The following IDH3B variants were observed in gnomAD, a reference collection of about 807,000 sequenced individuals.
IDH3B encodes isocitrate dehydrogenase (NAD(+)) 3 non-catalytic subunit beta.
IDH3B carries 40 observed loss-of-function variants against 47.5 expected under a neutral mutation model. The observed-to-expected ratio is 0.84, with a 90% confidence interval of 0.65 to 1.10. The LOEUF is 1.10. Among genes scored for constraint, IDH3B ranks in the 50% least tolerant of loss-of-function variants. The probability of loss-of-function intolerance (pLI) is 0.00; values close to 1 mark genes in which losing one functional copy is unlikely to be tolerated. For synonymous variants in IDH3B, 185 were observed against 191.0 expected (o/e 0.97, Z 0.26); for missense variants, 450 against 505.2 (o/e 0.89, Z 1.05).
rs2086931374 is a variant in IDH3B, at chr20:2,660,765, G to A, written c.463C>T (p.His155Tyr). ...VKSLPGYMTR[H>Y]NNLDLVIIRE... ...ATGATCACCAGGTCTAGATTGTTGT[G>A]CCGAGTCATATACCCAGGAAGTGAC... The change falls in exon 6 of 12, where the codon CAC (histidine) becomes TAC (tyrosine). Residue 155 changes from histidine (H) to tyrosine (Y), a missense_variant. Physicochemically the swap from His to Tyr is moderately conservative, Grantham distance 83. Transcript: ENST00000380843. This position sits in a 1 kb window ranked among gnomAD's most constrained non-coding sequence, Gnocchi z 5.6. 6.2e-7 allele frequency: 1 copy of A among 1,614,124 alleles called. No individual in the cohort carries two copies. The highest frequency in any genetic ancestry group is 8.5e-7 in the Non-Finnish European group (1 of 1,180,026).
chr20:2,662,617 G>C (rs565876258), intron 4 of IDH3B, among the ~76,000 whole-genome samples: 3 of 152,110 alleles, frequency 2.0e-5, no homozygotes, highest in Non-Finnish European at 4.4e-5. Flanking sequence ...TCAAGAGTTC[G>C]AGACCAGCCT....
intron 1 of IDH3B, 51 bp from the exon 2 acceptor site, chr20:2,664,056 C>G: frequency 6.2e-7 from 1 of 1,611,208 alleles, no homozygotes. Context: ...ACATCCAGAC[C>G]CCGAACACTA....
At chr20:2,659,360 G>A in intron 11 of IDH3B, 165 bp downstream of exon 11, 2 of 1,575,922 alleles carry the variant, frequency 1.3e-6, no homozygotes, top group Non-Finnish European at 1.7e-6. Context: ...AGAGAAGGGA[G>A]ATGAAGAACA....
In IDH3B at chr20:2,660,979, C is replaced by A. The variant is rs754403242; in HGVS notation, c.338-10G>T. The A allele has an allele frequency of 4.2e-5, 68 of 1,613,852 alleles. No individual in the cohort carries two copies. The highest frequency in any genetic ancestry group is 5.6e-5 in the Non-Finnish European group (66 of 1,179,888). On this transcript the variant is annotated splice_polypyrimidine_tract_variant and intron_variant, in intron 4 of 11. Coordinates refer to ENST00000380843, the MANE Select transcript of IDH3B (RefSeq NM_006899.5). The surrounding 1 kb of genome is among the most constrained non-coding windows in gnomAD (Gnocchi z 5.6). ...GGGGTATGAATCTTTCCTGTGAAAACAAAGTGGGAAAAGGAGTGTCAGCCA... is the reference window on the plus strand; with the variant it reads ...GGGGTATGAATCTTTCCTGTGAAAAAAAAGTGGGAAAAGGAGTGTCAGCCA...
chr20:2,658,429 GTATGGACAGGGCC>G lies in IDH3B; in HGVS notation c.*309_*321del, dbSNP rs2086860617. ...GTTCTTTATTGAACACCTTACATGG[GTATGGACAGGGCC>G]TATGGGTGGGGCAAGGCAGCAATGA... On this transcript the variant is annotated 3_prime_UTR_variant, in exon 12 of 12. Coordinates refer to ENST00000380843, the MANE Select transcript of IDH3B (RefSeq NM_006899.5). 4 of 1,613,978 alleles carry G rather than the reference GTATGGACAGGGCC, an allele frequency of 2.5e-6. No individual in the cohort carries two copies. The highest frequency in any genetic ancestry group is 1.7e-5 in the Admixed American group (1 of 60,002).
At position 2,663,716 on chromosome 20, in the gene IDH3B, G is replaced by C. The variant is rs767152068; in HGVS notation, c.160C>G (p.Leu54Val). ...TCAGGCCCCACACCGTCTCCCGGAA[G>C]CATGGTCACGGGAAAGGAGCCCTCC... The part of the protein sequence containing the change: ...RVEGSFPVTM[L>V]PGDGVGPELM... Residue 54 changes from leucine (L) to valine (V), a missense_variant, in exon 3 of 12, where the codon CTT becomes GTT. By Grantham distance (32) the Leu-to-Val change is conservative (BLOSUM62 1). Transcript: ENST00000380843. 1 of 1,614,194 alleles carries C rather than the reference G, an allele frequency of 6.2e-7. No homozygotes were observed. Among genetic ancestry groups the C allele is most frequent in the Admixed American group, 1.7e-5 (1 of 60,020 alleles).
At position 2,663,982 on chromosome 20, in the gene IDH3B, AG is replaced by A. The variant is rs747812567; in HGVS notation, c.59del (p.Pro20LeufsTer7). ...LTRALVSAGN[P>X]GAWRGLSTSA... ...AGGTACTCAGACCTCTCCATGCCCC[AG>A]GGTTCCCGGCGGAGACCAGCGCCTG... is the stretch of plus-strand genomic sequence containing the variant. On this transcript the variant is annotated frameshift_variant, in exon 2 of 12. Coordinates refer to ENST00000380843, the MANE Select transcript of IDH3B (RefSeq NM_006899.5). LOFTEE classifies it high-confidence loss of function. The A allele has an allele frequency of 4.3e-6, 7 of 1,614,174 alleles. No homozygotes were observed. Among genetic ancestry groups the A allele is most frequent in the Non-Finnish European group, 5.9e-6 (7 of 1,180,030 alleles).
rs757925546 is a variant in IDH3B, at chr20:2,663,530, G to C, written c.253C>G (p.Leu85Val). ...AVPVEFQEHHLSEVQNMASEE... is the reference protein window; with the variant it reads ...AVPVEFQEHHVSEVQNMASEE... ...GATGCCATATTCTGCACCTCACTCAGGTGGTGCTCCTGGAACTCCACTGGG... is the reference window on the plus strand; with the variant it reads ...GATGCCATATTCTGCACCTCACTCACGTGGTGCTCCTGGAACTCCACTGGG... Residue 85 changes from leucine to valine, a missense_variant, in exon 4 of 12, where the codon CTG becomes GTG. Physicochemically the swap from Leu to Val is conservative, Grantham distance 32. Coordinates refer to ENST00000380843, the MANE Select transcript of IDH3B (RefSeq NM_006899.5). 1.2e-6 allele frequency: 2 copies of C among 1,614,090 alleles called. No homozygotes were observed. The highest frequency in any genetic ancestry group is 2.2e-5 in the South Asian group (2 of 91,084).
At position 2,659,565 on chromosome 20, in the gene IDH3B, A is replaced by G; in HGVS notation, c.1031T>C (p.Met344Thr). The G allele has an allele frequency of 6.2e-7, 1 of 1,614,236 alleles. No individual in the cohort carries two copies. The highest frequency in any genetic ancestry group is 8.5e-7 in the Non-Finnish European group (1 of 1,180,034). ...CACCTTCTTCACCGCATCTGCGATC[A>G]TGCTGGAGTGATACTCAAGACTGTG... ...RHLNLEYHSS[M>T]IADAVKKVIK... The change falls in exon 11 of 12, where the codon ATG (methionine) becomes ACG (threonine). Residue 344 changes from methionine to threonine, a missense_variant. By Grantham distance (81) the Met-to-Thr change is moderately conservative. Coordinates refer to ENST00000380843, the MANE Select transcript of IDH3B (RefSeq NM_006899.5).
At position 2,663,928 on chromosome 20, in the gene IDH3B, G is replaced by A. The variant is rs2086998105; in HGVS notation, c.114C>T (p.Ser38=). The A allele has an allele frequency of 6.2e-7, 1 of 1,613,842 alleles. No homozygotes were observed. Residue 38 remains serine, a synonymous_variant, in exon 2 of 12, where the codon AGC becomes AGT. Coordinates refer to ENST00000380843, the MANE Select transcript of IDH3B (RefSeq NM_006899.5). ...CCCCAGCCAGATTCGTGCATACCTG[G>A]CTCCGCGATGCAGCGTGCGCCGCGG... ...TSAAAHAASR[S]QAEDVRVEGS...
At chr20:2,662,557 G>A (rs1053295401) in intron 4 of IDH3B, among the ~76,000 whole-genome samples, 4 of 152,106 alleles carry the variant, frequency 2.6e-5, no homozygotes, top group South Asian at 2.1e-4. Context: ...GGTGGCTCAC[G>A]CCTATAATCG....
intron 9 of IDH3B, 24 bp from the exon 10 acceptor site, chr20:2,659,817 A>C: frequency 6.3e-7 from 1 of 1,576,122 alleles, no homozygotes; most frequent in Non-Finnish European, 8.7e-7. Flanking sequence ...GGCAGGCTAG[A>C]CACTGGGAGG....
In IDH3B at chr20:2,660,909, CT is replaced by C. The variant is rs1379724904; in HGVS notation, c.397del (p.Arg133GlyfsTer10). ...CATTCACCCCACCCAGACCACCTAC[CT>C]CAGCCGCATATCATAGGAGGCTAGC... ...GELASYDMRL[R>X]RKLDLFANVV... On this transcript the variant is annotated frameshift_variant and splice_region_variant, in exon 5 of 12. Transcript: ENST00000380843. LOFTEE classifies it high-confidence loss of function. This position sits in a 1 kb window ranked among gnomAD's most constrained non-coding sequence, Gnocchi z 5.6. The C allele has an allele frequency of 6.2e-7, 1 of 1,614,082 alleles. No individual in the cohort carries two copies. The highest frequency in any genetic ancestry group is 2.2e-5 in the East Asian group (1 of 44,898).
rs1399128062 is a variant in IDH3B at position 2,658,786 on chromosome 20, A to G, written c.1123T>C (p.Ser375Pro). Reference sequence around the variant, plus strand: ...TTAGTCTGCAGGTGACCGATGACAGACTTGATGAAGTCGGTTGTGGTGCTG... The same window carrying G: ...TTAGTCTGCAGGTGACCGATGACAGGCTTGATGAAGTCGGTTGTGGTGCTG... ...GYSTTTDFIK[S>P]VIGHLQTKGS Residue 375 changes from serine (S) to proline (P), a missense_variant, in exon 12 of 12, where the codon TCT becomes CCT. Ser to Pro is a moderately conservative substitution (Grantham distance 74). Transcript: ENST00000380843. 1.2e-6 allele frequency: 2 copies of G among 1,614,156 alleles called. No individual in the cohort carries two copies. The highest frequency in any genetic ancestry group is 1.3e-5 in the African/African-American group (1 of 75,032).
chr20:2,661,825 G>A (rs1335566724), intron 4 of IDH3B, among the ~76,000 whole-genome samples: 1 of 152,204 alleles, frequency 6.6e-6, no homozygotes, highest in Non-Finnish European at 1.5e-5. Flanking sequence ...CAGCACAGAA[G>A]AGCTGGCACT....
At chr20:2,662,656 T>TA (rs1239943536) in intron 4 of IDH3B, among the ~76,000 whole-genome samples, 2 of 152,120 alleles carry the variant, frequency 1.3e-5, no homozygotes, top group African/African-American at 4.8e-5. Context: ...CTCTCTCTAC[T>TA]AAAAATACAA....
Position 2,659,531 on chromosome 20 carries a change from A to C in IDH3B, c.1065T>G (p.Val355=). ...IADAVKKVIK[V]GKVRTRDMGG... is the part of the protein sequence containing the mutation. The stretch of plus-strand genomic sequence containing the variant: ...ACTACTCTTCTCAACTCACCTTGCC[A>C]ACTTTGATCACCTTCTTCACCGCAT... The change falls in exon 11 of 12, where the codon GTT becomes GTG. Residue 355 remains valine, a synonymous_variant. Transcript: ENST00000380843. The C allele has an allele frequency of 1.2e-6, 2 of 1,614,166 alleles. No individual in the cohort carries two copies. The highest frequency in any genetic ancestry group is 1.7e-6 in the Non-Finnish European group (2 of 1,180,002).
chr20:2,660,824 T>G lies in IDH3B; in HGVS notation c.404A>C (p.Lys135Thr). ...GACTACGTTGGCAAATAAGTCCAACTTACGCCTGAGGGTGGGCAGGGCCAT... is the reference window on the plus strand; with the variant it reads ...GACTACGTTGGCAAATAAGTCCAACGTACGCCTGAGGGTGGGCAGGGCCAT... ...LASYDMRLRR[K>T]LDLFANVVHV... Residue 135 changes from lysine (K) to threonine (T), a missense_variant, in exon 6 of 12, where the codon AAG becomes ACG. By Grantham distance (78) the Lys-to-Thr change is moderately conservative (BLOSUM62 -1). Transcript: ENST00000380843. This position sits in a 1 kb window ranked among gnomAD's most constrained non-coding sequence, Gnocchi z 5.6. 1 of 1,614,182 alleles carries G rather than the reference T, an allele frequency of 6.2e-7. No individual in the cohort carries two copies. The highest frequency in any genetic ancestry group is 8.5e-7 in the Non-Finnish European group (1 of 1,180,030).
Position 2,660,250 on chromosome 20 carries a change from G to A in IDH3B, c.768+13C>T, listed in dbSNP as rs1339872079. The A allele has an allele frequency of 6.2e-7, 1 of 1,613,978 alleles. No homozygotes were observed. The highest frequency in any genetic ancestry group is 1.7e-5 in the Admixed American group (1 of 60,016). On this transcript the variant is annotated intron_variant, in intron 8 of 11. Transcript: ENST00000380843. The surrounding 1 kb of genome is among the most constrained non-coding windows in gnomAD (Gnocchi z 5.6). ...TCCTCCGCCCCATGAGTAGAGATGT[G>A]GGGAGGCCTCACCTGCATGCAGCAG...
Sources: allele counts gnomAD v4.1 joint callset (sites outside exome capture counted in the v4.1 genomes callset), GRCh38; gene constraint gnomAD v4.1.1; non-coding constraint Gnocchi (gnomAD v3.1); transcripts MANE v1.5; gene names NCBI Gene and HGNC (gene_info 2026-07-23, HGNC 2026-07-21).